Variants in PLEKHA7 observed in about 807,000 individuals in gnomAD.
PLEKHA7 encodes the protein pleckstrin homology domain-containing family A member 7.
A neutral mutation model predicts 170.0 loss-of-function variants in PLEKHA7; 104 were observed. The ratio of observed to expected loss-of-function variants is 0.61; its 90% CI spans 0.52 to 0.72. The LOEUF (loss-of-function observed/expected upper bound fraction) is 0.72, where lower values mean the gene tolerates loss of function less well. PLEKHA7 is among the 30% of genes least tolerant of loss of function. The pLI is 0.00. For missense variants in PLEKHA7, 1,615 were observed against 1,671.7 expected (o/e 0.97, Z 0.59); for synonymous variants, 648 against 660.8 (o/e 0.98, Z 0.30).
intron 3 of PLEKHA7, among the ~76,000 whole-genome samples, chr11:17,000,773 A>G (rs905055399): frequency 6.6e-6 from 1 of 152,224 alleles, no homozygotes; most frequent in Non-Finnish European, 1.5e-5. Flanking sequence ...GAGAGGTTCA[A>G]GTGACCTGCC....
chr11:16,873,698 G>A (rs1452106078), intron 3 of PLEKHA7, among the ~76,000 whole-genome samples: 3 of 152,120 alleles, frequency 2.0e-5, no homozygotes, highest in East Asian at 1.9e-4. Flanking sequence ...ATGGAGTGTC[G>A]CTCTGTCGCC....
At chr11:16,993,460 C>T (rs1864164266) in intron 3 of PLEKHA7, among the ~76,000 whole-genome samples, 1 of 152,290 alleles carries the variant, frequency 6.6e-6, no homozygotes, top group Non-Finnish European at 1.5e-5. Flanking sequence ...GATCCCAGCT[C>T]TCTCAGTTCC....
intron 3 of PLEKHA7, among the ~76,000 whole-genome samples, chr11:16,925,479 G>C (rs1859449034): frequency 6.6e-6 from 1 of 152,170 alleles, no homozygotes; most frequent in Non-Finnish European, 1.5e-5. Context: ...CGCCCTGTCG[G>C]CTCGACAACC....
chr11:16,905,771 C>T (rs1176832191), intron 3 of PLEKHA7, among the ~76,000 whole-genome samples: 1 of 152,242 alleles, frequency 6.6e-6, no homozygotes, highest in Admixed American at 6.5e-5. Flanking sequence ...GGATTAGGCG[C>T]TGAGTAATCA....
At chr11:16,983,655 G>A (rs921065503) in intron 3 of PLEKHA7, among the ~76,000 whole-genome samples, 1 of 152,164 alleles carries the variant, frequency 6.6e-6, no homozygotes, top group Non-Finnish European at 1.5e-5. Flanking sequence ...CTCCACTGCC[G>A]CACCACCACG....
chr11:16,967,430 T>C (rs1273684793), intron 3 of PLEKHA7, among the ~76,000 whole-genome samples: 2 of 152,184 alleles, frequency 1.3e-5, no homozygotes, highest in African/African-American at 4.8e-5. Flanking sequence ...GTGATTCAAA[T>C]TGACCTTTGG....
chr11:16,914,228 G>A, intron 3 of PLEKHA7, among the ~76,000 whole-genome samples: 2 of 152,226 alleles, frequency 1.3e-5, no homozygotes, highest in Middle Eastern at 3.4e-3. Context: ...GGACTTAGAA[G>A]TAGACATTTT....
Position 16,816,812 on chromosome 11 carries a change from G to C in PLEKHA7, c.1854C>G (p.Gly618=). Residue 618 remains glycine, a synonymous_variant, in exon 11 of 27, where the codon GGC becomes GGG. Transcript: ENST00000531066. ...TCCCGAGCCTCACCTTGACAGCGTG[G>C]CCCCGTGCCCTCCTTGGAGAATCCC... ...SLGDSPRRAR[G]HAVKNSSHVD... 6.2e-7 allele frequency: 1 copy of C among 1,613,824 alleles called. No homozygotes were observed. The highest frequency in any genetic ancestry group is 8.5e-7 in the Non-Finnish European group (1 of 1,179,932).
At position 16,777,750 on chromosome 11, in the gene PLEKHA7, A is replaced by G. The variant is rs1347194697; in HGVS notation, c.*1248T>C. On this transcript the variant is annotated 3_prime_UTR_variant, in exon 27 of 27. Coordinates refer to ENST00000531066, the MANE Select transcript of PLEKHA7 (RefSeq NM_001329630.2). The stretch of plus-strand genomic sequence containing the variant: ...CTGCCATTATGGCCCTGCTGGCGGC[A>G]GGCCATGAGGGATGGTGGGGGCACA... The G allele has an allele frequency of 6.6e-6, 1 of 152,224 alleles. No homozygotes were observed. The highest frequency in any genetic ancestry group is 1.5e-5 in the Non-Finnish European group (1 of 68,034). 9.4% of individuals were successfully genotyped at this position (152,224 alleles called of 1,614,324 possible).
intron 3 of PLEKHA7, among the ~76,000 whole-genome samples, chr11:16,960,142 G>A (rs1391375348): frequency 6.6e-6 from 1 of 152,100 alleles, no homozygotes; most frequent in Non-Finnish European, 1.5e-5. Flanking sequence ...TCCACTTTAG[G>A]CCACGTTCCT....
At chr11:16,801,222 A>G (rs1262253743) in intron 16 of PLEKHA7, 147 bp from the exon 17 acceptor site, 5 of 710,950 alleles carry the variant, frequency 7.0e-6, no homozygotes, top group Non-Finnish European at 1.2e-5. Flanking sequence ...AGAGAGGAGC[A>G]GGAAAGAGCG....
Position 16,801,680 on chromosome 11 carries a change from G to A in PLEKHA7, c.2295C>T (p.Ser765=). ...EDLVHIRAEL[S]RESTEMENAW... The stretch of plus-strand genomic sequence containing the variant: ...ACCCTCTACGCACAGTGGACTCTCT[G>A]GAGAGCTCAGCTCGGATATGGACAA... The change falls in exon 16 of 27, where the codon TCC becomes TCT. Residue 765 remains serine, a synonymous_variant. Coordinates refer to ENST00000531066, the MANE Select transcript of PLEKHA7 (RefSeq NM_001329630.2). 6.2e-7 allele frequency: 1 copy of A among 1,614,094 alleles called. No homozygotes were observed. The highest frequency in any genetic ancestry group is 8.5e-7 in the Non-Finnish European group (1 of 1,180,012).
At chr11:16,991,657 A>G (rs925301906) in intron 3 of PLEKHA7, among the ~76,000 whole-genome samples, 89 of 152,186 alleles carry the variant, frequency 5.8e-4, no homozygotes, top group African/African-American at 1.9e-3. Flanking sequence ...GAGGCCAGAG[A>G]GGTAATGGGG....
At chr11:17,007,815 C>T (rs913479852) in intron 3 of PLEKHA7, among the ~76,000 whole-genome samples, 2 of 152,152 alleles carry the variant, frequency 1.3e-5, no homozygotes, top group Non-Finnish European at 2.9e-5. Context: ...CCCAAGCAAT[C>T]CTCCTGCTTT....
chr11:16,957,019 G>A (rs1048534873), intron 3 of PLEKHA7, among the ~76,000 whole-genome samples: 2 of 152,178 alleles, frequency 1.3e-5, no homozygotes, highest in African/African-American at 2.4e-5. Flanking sequence ...CGCAGCATTA[G>A]TCACCTGCTA....
At chr11:16,891,070 C>CTGTATTCTATTCTATTCTAT (rs72047325) in intron 3 of PLEKHA7, among the ~76,000 whole-genome samples, 1 of 149,782 alleles carries the variant, frequency 6.7e-6, no homozygotes, top group Non-Finnish European at 1.5e-5. Context: ...GACTATTATT[C>CTGTATTCTATTCTATTCTAT]TCTATTCTAT....
At chr11:16,836,862 C>T (rs982877766) in intron 9 of PLEKHA7, among the ~76,000 whole-genome samples, 3 of 150,556 alleles carry the variant, frequency 2.0e-5, no homozygotes, top group Admixed American at 1.3e-4. Flanking sequence ...CTCACTCTGT[C>T]GCCCAGGCTG....
intron 17 of PLEKHA7, among the ~76,000 whole-genome samples, chr11:16,798,412 G>C (rs1848379053): frequency 6.6e-6 from 1 of 152,090 alleles, no homozygotes; most frequent in Non-Finnish European, 1.5e-5. Context: ...GAGTTCTCCA[G>C]GGCGTCTGTG....
At chr11:16,882,189 G>GT (rs1855765285) in intron 3 of PLEKHA7, among the ~76,000 whole-genome samples, 1 of 152,132 alleles carries the variant, frequency 6.6e-6, no homozygotes, top group South Asian at 2.1e-4. Flanking sequence ...AATACAAGGG[G>GT]TTTTGTCCTG....
Sources: gnomAD v4.1 joint callset for allele counts (sites outside exome capture counted in the v4.1 genomes callset) on GRCh38, gnomAD v4.1.1 for gene constraint, MANE v1.5 for transcripts, NCBI Gene and HGNC (gene_info 2026-07-23, HGNC 2026-07-21) for gene names.